HS3ST1: variants seen among roughly 807,000 people sequenced by gnomAD.
HS3ST1 encodes heparan sulfate-glucosamine 3-sulfotransferase 1, also known as heparan sulfate glucosamine 3-O-sulfotransferase 1.
Under a neutral mutation model 20.7 loss-of-function variants are expected in HS3ST1, and 8 were observed. That is an observed-to-expected ratio of 0.39 (90% CI 0.23 to 0.70). The LOEUF is 0.70. HS3ST1 is among the 30% of genes least tolerant of loss of function. The pLI, the probability that HS3ST1 is intolerant of heterozygous loss-of-function variation, is 0.46. For synonymous variants in HS3ST1, 205 were observed against 190.4 expected (o/e 1.08, Z -0.63); for missense variants, 436 against 423.4 (o/e 1.03, Z -0.26).
At chr4:11,412,728 A>G (rs1303014378) in intron 1 of HS3ST1, among the ~76,000 whole-genome samples, 1 of 152,154 alleles carries the variant, frequency 6.6e-6, no homozygotes, top group Non-Finnish European at 1.5e-5. Context: ...CCTGATTGAG[A>G]GGTGGATCAG....
chr4:11,415,943 G>A (rs1337737555), intron 1 of HS3ST1, among the ~76,000 whole-genome samples: 2 of 152,154 alleles, frequency 1.3e-5, no homozygotes, highest in Non-Finnish European at 2.9e-5. Flanking sequence ...GGAGACTTGT[G>A]TGGGGGTGAG....
At chr4:11,421,974 A>C (rs530859350) in intron 1 of HS3ST1, among the ~76,000 whole-genome samples, 1 of 152,342 alleles carries the variant, frequency 6.6e-6, no homozygotes, top group African/African-American at 2.4e-5. Flanking sequence ...TGGGTACGAG[A>C]GATAAAGGAG....
rs1718224424 is a variant in HS3ST1 at position 11,399,003 on chromosome 4, C to CT, written c.*78dup. The CT allele has an allele frequency of 3.9e-6, 5 of 1,280,864 alleles. No individual in the cohort carries two copies. Among genetic ancestry groups the CT allele is most frequent in the Non-Finnish European group, 5.4e-6 (5 of 925,990 alleles). The allele number at this position is 1,280,864 out of a possible 1,614,324, so 79.3% of individuals were successfully genotyped here. A position where few individuals can be genotyped will look rare whatever the true frequency, so the allele number is the denominator to read the frequency against. On this transcript the variant is annotated 3_prime_UTR_variant, in exon 2 of 2. Transcript: ENST00000002596. The surrounding 1 kb of genome is among the most constrained non-coding windows in gnomAD (Gnocchi z 5.1). ...TTACAAATAAATTATACCTTAAATGCTTTTTTAAAATTCTTTTTCCCCTCA... is the reference window on the plus strand; with the variant it reads ...TTACAAATAAATTATACCTTAAATGCTTTTTTTAAAATTCTTTTTCCCCTCA...
At chr4:11,419,232 T>C (rs1718862496) in intron 1 of HS3ST1, among the ~76,000 whole-genome samples, 1 of 152,114 alleles carries the variant, frequency 6.6e-6, no homozygotes, top group Non-Finnish European at 1.5e-5. Context: ...TCCCCCTCAC[T>C]GTTCCTTCCA....
At chr4:11,432,624 T>C (rs1253158978), upstream of HS3ST1, among the ~76,000 whole-genome samples, 3 of 152,192 alleles carry the variant, frequency 2.0e-5, no homozygotes, top group Non-Finnish European at 4.4e-5. Flanking sequence ...GGAAGGGCGT[T>C]GGGTTTGAAA....
chr4:11,399,129 T>C lies in HS3ST1; in HGVS notation c.877A>G (p.Asn293Asp), dbSNP rs1718230062. 1.2e-6 allele frequency: 2 copies of C among 1,614,038 alleles called. No homozygotes were observed. Among genetic ancestry groups the C allele is most frequent in the Non-Finnish European group, 1.7e-6 (2 of 1,179,904 alleles). ...NKLHEYFHEPNKKFFELVGRT... is the reference protein window; with the variant it reads ...NKLHEYFHEPDKKFFELVGRT... Reference sequence around the variant, plus strand: ...CCAACAAGCTCGAAGAACTTCTTATTTGGCTCATGAAAATATTCGTGCAGT... The same window carrying C: ...CCAACAAGCTCGAAGAACTTCTTATCTGGCTCATGAAAATATTCGTGCAGT... The change falls in exon 2 of 2, where the codon AAT becomes GAT. Residue 293 changes from asparagine to aspartate, a missense_variant. Physicochemically the swap from Asn to Asp is conservative, Grantham distance 23. Transcript: ENST00000002596. This position sits in a 1 kb window ranked among gnomAD's most constrained non-coding sequence, Gnocchi z 5.1.
At chr4:11,410,627 T>G (rs1294632410) in intron 1 of HS3ST1, among the ~76,000 whole-genome samples, 1 of 152,250 alleles carries the variant, frequency 6.6e-6, no homozygotes, top group African/African-American at 2.4e-5. Flanking sequence ...GAGCGGTGGC[T>G]TATGCCTGTA....
intron 1 of HS3ST1, among the ~76,000 whole-genome samples, chr4:11,423,358 A>G (rs1293310760): frequency 1.3e-5 from 2 of 152,236 alleles, no homozygotes; most frequent in East Asian, 1.9e-4. Context: ...AAACTCCCAC[A>G]TAGAAAATAT....
In HS3ST1 at chr4:11,401,605, A is replaced by G. The variant is rs1219500476; in HGVS notation, c.-108-1492T>C. Among the ~76,000 whole-genome samples the G allele has an allele frequency of 2.6e-5, 4 of 152,232 alleles. No individual in the cohort carries two copies. In the East Asian group the frequency reaches 7.7e-4, roughly 29 times the overall value. ...GTGATCTGCCTGCCTCGGCCTCCCA[A>G]AGTGCTGGGATTACAGGCATGAGCC... On this transcript the variant is annotated intron_variant, in intron 1 of 1. Coordinates refer to ENST00000002596, the MANE Select transcript of HS3ST1 (RefSeq NM_005114.4).
chr4:11,411,031 G>A (rs1391132878), intron 1 of HS3ST1, among the ~76,000 whole-genome samples: 2 of 152,138 alleles, frequency 1.3e-5, no homozygotes, highest in Admixed American at 6.5e-5. Context: ...AAAAGTTAAT[G>A]GTGTAACTTG....
chr4:11,421,461 C>T (rs1718932989), intron 1 of HS3ST1, among the ~76,000 whole-genome samples: 1 of 152,216 alleles, frequency 6.6e-6, no homozygotes, highest in African/African-American at 2.4e-5. Context: ...TTCCCTGCCA[C>T]ACAAGTATGT....
chr4:11,400,157 G>A, intron 1 of HS3ST1, 44 bp from the exon 2 acceptor site: 1 of 1,395,180 alleles, frequency 7.2e-7, no homozygotes, highest in Non-Finnish European at 9.3e-7. Context: ...ACAAATACAG[G>A]GATAATTCAA....
intron 1 of HS3ST1, among the ~76,000 whole-genome samples, chr4:11,419,813 C>G (rs957577673): frequency 1.3e-5 from 2 of 152,146 alleles, no homozygotes; most frequent in Non-Finnish European, 2.9e-5. Context: ...CTTGCTTTCC[C>G]TCATCATTAA....
intron 1 of HS3ST1, among the ~76,000 whole-genome samples, chr4:11,426,453 AG>A (rs138947054): frequency 0.014 from 1,966 of 143,452 alleles, 41 homozygotes; most frequent in African/African-American, 0.048. Context: ...AGGGGGACCC[AG>A]GGGGGGGGCT....
chr4:11,424,961 G>C (rs1209983797), intron 1 of HS3ST1, among the ~76,000 whole-genome samples: 1 of 152,136 alleles, frequency 6.6e-6, no homozygotes, highest in Non-Finnish European at 1.5e-5. Flanking sequence ...TCTGAAGAGA[G>C]AGGGCACTAC....
intron 1 of HS3ST1, among the ~76,000 whole-genome samples, chr4:11,409,719 A>G (rs1718567118): frequency 6.6e-6 from 1 of 152,204 alleles, no homozygotes; most frequent in Non-Finnish European, 1.5e-5. Context: ...TGGTCCTCAG[A>G]ATAATTAGTA....
chr4:11,426,542 T>A (rs1719066715), intron 1 of HS3ST1, among the ~76,000 whole-genome samples: 1 of 152,164 alleles, frequency 6.6e-6, no homozygotes, highest in Non-Finnish European at 1.5e-5. Context: ...AGATGCCAAT[T>A]TCTCACCAGC....
rs879604349 is a variant in HS3ST1, at chr4:11,399,243, A to G, written c.763T>C (p.Tyr255His). 2.5e-6 allele frequency: 4 copies of G among 1,614,034 alleles called. No homozygotes were observed. Among genetic ancestry groups the G allele is most frequent in the Admixed American group, 3.3e-5 (2 of 60,002 alleles). ...NFYFNKTKGFYCLRDSGRDRC... is the reference protein window; with the variant it reads ...NFYFNKTKGFHCLRDSGRDRC... Reference sequence around the variant, plus strand: ...TCCCGGCCGCTGTCCCGCAGGCAGTAAAAGCCCTTGGTTTTGTTAAAGTAG... The same window carrying G: ...TCCCGGCCGCTGTCCCGCAGGCAGTGAAAGCCCTTGGTTTTGTTAAAGTAG... The change falls in exon 2 of 2, where the codon TAC (tyrosine) becomes CAC (histidine). Residue 255 changes from tyrosine (Y) to histidine (H), a missense_variant. Transcript: ENST00000002596. The surrounding 1 kb of genome is among the most constrained non-coding windows in gnomAD (Gnocchi z 5.1).
At chr4:11,430,960 G>C (rs955669922), upstream of HS3ST1, among the ~76,000 whole-genome samples, 1 of 152,186 alleles carries the variant, frequency 6.6e-6, no homozygotes, top group African/African-American at 2.4e-5. Context: ...TTATGTGTAT[G>C]TCCAGGCATT....
Sources: gnomAD v4.1 joint callset for allele counts (sites outside exome capture counted in the v4.1 genomes callset) on GRCh38, gnomAD v4.1.1 for gene constraint, Gnocchi (gnomAD v3.1) non-coding constraint, MANE v1.5 for transcripts, NCBI Gene and HGNC (gene_info 2026-07-23, HGNC 2026-07-21) for gene names.